Variants in CDH18 observed in about 807,000 individuals in gnomAD.
CDH18 encodes cadherin-18.
In CDH18, 31 loss-of-function variants were observed where a neutral mutation model predicts 67.9. The ratio of observed to expected loss-of-function variants is 0.46; its 90% CI spans 0.34 to 0.62. CDH18 has a LOEUF of 0.62. Ranked by LOEUF, CDH18 falls within the 20% of genes least tolerant of loss-of-function variation. The probability of loss-of-function intolerance (pLI) is 0.01; values close to 1 mark genes in which losing one functional copy is unlikely to be tolerated. For missense variants in CDH18, 890 were observed against 975.5 expected (o/e 0.91, Z 1.17); for synonymous variants, 362 against 347.2 (o/e 1.04, Z -0.48).
chr5:20,439,756 A>G (rs753525570), intron 1 of CDH18, among the ~76,000 whole-genome samples: 1 of 151,748 alleles, frequency 6.6e-6, no homozygotes, highest in Non-Finnish European at 1.5e-5. Context: ...AAACGAATCC[A>G]TCCTCATTCC....
intron 2 of CDH18, among the ~76,000 whole-genome samples, chr5:19,970,059 A>C (rs1333791465): frequency 6.6e-6 from 1 of 152,092 alleles, no homozygotes; most frequent in East Asian, 1.9e-4. Flanking sequence ...CTAAAATTAC[A>C]TGAGTGATAA....
chr5:20,305,623 G>T, intron 1 of CDH18: 3 of 471,750 alleles, frequency 6.4e-6, no homozygotes, highest in African/African-American at 2.0e-5. Flanking sequence ...GGCAAACCCA[G>T]AGACTCAAAC....
chr5:20,163,266 C>T (rs1736036184), intron 2 of CDH18, among the ~76,000 whole-genome samples: 1 of 151,960 alleles, frequency 6.6e-6, no homozygotes, highest in African/African-American at 2.4e-5. Context: ...CCTTATCAAA[C>T]TTAACAATAT....
At chr5:19,818,717 T>C (rs77870931) in intron 3 of CDH18, among the ~76,000 whole-genome samples, 155 of 152,300 alleles carry the variant, frequency 1.0e-3, no homozygotes, top group African/African-American at 3.4e-3. Context: ...CTGAATACCA[T>C]AGATAATTGT....
At chr5:19,904,695 G>C (rs1790347492) in intron 2 of CDH18, among the ~76,000 whole-genome samples, 1 of 152,182 alleles carries the variant, frequency 6.6e-6, no homozygotes, top group Non-Finnish European at 1.5e-5. Context: ...AAAAACAAGT[G>C]TTGGATTTAT....
chr5:20,466,058 A>G (rs1751612458), intron 1 of CDH18, among the ~76,000 whole-genome samples: 1 of 152,074 alleles, frequency 6.6e-6, no homozygotes, highest in African/African-American at 2.4e-5. Flanking sequence ...TCACACATAC[A>G]GAAGAATTAA....
chr5:19,845,874 C>T (rs1042165097), intron 2 of CDH18, among the ~76,000 whole-genome samples: 1 of 149,638 alleles, frequency 6.7e-6, no homozygotes, highest in Non-Finnish European at 1.5e-5. Context: ...ATGTATTATC[C>T]TTTCTCTCTC....
chr5:19,996,169 A>G (rs959708714), intron 2 of CDH18, among the ~76,000 whole-genome samples: 4 of 152,168 alleles, frequency 2.6e-5, no homozygotes, highest in Non-Finnish European at 5.9e-5. Context: ...ACTAAAGTAT[A>G]GTAATATATA....
At chr5:19,989,089 C>G (rs1198841241), upstream of CDH18, among the ~76,000 whole-genome samples, 2 of 152,148 alleles carry the variant, frequency 1.3e-5, no homozygotes, top group Non-Finnish European at 2.9e-5. Flanking sequence ...CAAAATTGAT[C>G]TGGACAGCTG....
chr5:19,809,663 T>C (rs143571037), intron 3 of CDH18, among the ~76,000 whole-genome samples: 18 of 152,330 alleles, frequency 1.2e-4, no homozygotes, highest in African/African-American at 4.1e-4. Flanking sequence ...AAAGGAAATA[T>C]ATGTTTTATA....
At chr5:19,733,329 G>A (rs1018775476) in intron 4 of CDH18, among the ~76,000 whole-genome samples, 1 of 152,058 alleles carries the variant, frequency 6.6e-6, no homozygotes, top group South Asian at 2.1e-4. Context: ...ACCTTTGACT[G>A]GTGCCTTTGT....
chr5:20,180,508 C>T (rs1737601354), intron 2 of CDH18, among the ~76,000 whole-genome samples: 1 of 152,142 alleles, frequency 6.6e-6, no homozygotes, highest in South Asian at 2.1e-4. Flanking sequence ...CTGATGCACA[C>T]ACTAAATTGT....
At chr5:19,834,759 T>G (rs1207506168) in intron 3 of CDH18, among the ~76,000 whole-genome samples, 1 of 152,154 alleles carries the variant, frequency 6.6e-6, no homozygotes, top group African/African-American at 2.4e-5. Context: ...ACTTCTTGAT[T>G]TCTGCCTTAA....
chr5:20,142,561 CAG>C (rs951284990), intron 2 of CDH18, among the ~76,000 whole-genome samples: 1 of 149,270 alleles, frequency 6.7e-6, no homozygotes, highest in African/African-American at 2.5e-5. Context: ...GCCTGGACAA[CAG>C]AGAGAGACTC....
intron 1 of CDH18, among the ~76,000 whole-genome samples, chr5:20,414,249 T>G (rs890024642): frequency 6.6e-6 from 1 of 152,008 alleles, no homozygotes; most frequent in African/African-American, 2.4e-5. Context: ...CGTAGCACTA[T>G]TCACAATAGT....
chr5:19,564,352 G>A (rs1739993159), intron 8 of CDH18, among the ~76,000 whole-genome samples: 1 of 152,200 alleles, frequency 6.6e-6, no homozygotes, highest in African/African-American at 2.4e-5. Flanking sequence ...TGAGGAAGGA[G>A]TAAAAAGGAC....
At chr5:19,679,036 G>A (rs994821491) in intron 5 of CDH18, among the ~76,000 whole-genome samples, 28 of 152,036 alleles carry the variant, frequency 1.8e-4, no homozygotes, top group African/African-American at 6.7e-4. Context: ...GAACATAAAT[G>A]TAAAAATCCT....
chr5:20,167,691 G>A (rs1736399254), intron 2 of CDH18, among the ~76,000 whole-genome samples: 1 of 152,066 alleles, frequency 6.6e-6, no homozygotes, highest in South Asian at 2.1e-4. Flanking sequence ...CAGTGAATAG[G>A]CTGCCACCAC....
At chr5:19,504,941 C>T (rs1743856438) in intron 10 of CDH18, among the ~76,000 whole-genome samples, 1 of 152,066 alleles carries the variant, frequency 6.6e-6, no homozygotes, top group Non-Finnish European at 1.5e-5. Flanking sequence ...CTTTACTATA[C>T]ATTTCAGTTA....
Sources: allele counts gnomAD v4.1 joint callset (sites outside exome capture counted in the v4.1 genomes callset), GRCh38; gene constraint gnomAD v4.1.1; transcripts MANE v1.5; gene names NCBI Gene and HGNC (gene_info 2026-07-23, HGNC 2026-07-21).